The following CDKL1 variants were observed in gnomAD, a reference collection of about 807,000 sequenced individuals.
CDKL1 encodes the protein cyclin-dependent kinase-like 1.
Under a neutral mutation model 42.0 loss-of-function variants are expected in CDKL1, and 41 were observed. That is an observed-to-expected ratio of 0.98 (90% confidence interval 0.76 to 1.27). The LOEUF (loss-of-function observed/expected upper bound fraction) is 1.27. CDKL1 is among the 50% of genes most tolerant of loss of function. The pLI, the probability that CDKL1 is intolerant of heterozygous loss-of-function variation, is 0.00. For synonymous variants in CDKL1, 153 were observed against 158.6 expected (o/e 0.96, Z 0.26); for missense variants, 394 against 428.4 (o/e 0.92, Z 0.71).
chr14:50,381,498 C>T (rs191942929), intron 2 of CDKL1, among the ~76,000 whole-genome samples: 28 of 152,298 alleles, frequency 1.8e-4, no homozygotes, highest in Admixed American at 1.6e-3. Context: ...ACACCTGGCT[C>T]ACGGGTCTCT....
In CDKL1 at chr14:50,335,596, A is replaced by G. The variant is rs1364145205; in HGVS notation, c.739-975T>C. 26 of 1,534,360 alleles carry G rather than the reference A, an allele frequency of 1.7e-5. No individual in the cohort carries two copies. The East Asian group carries it at 6.1e-4, about 36-fold the overall frequency. The stretch of plus-strand genomic sequence containing the variant: ...GAGGAATGCCGAATGTCAGGCAGAC[A>G]AACAGGCCAGTTAAAGAGACATACC... On this transcript the variant is annotated intron_variant, in intron 7 of 9. Transcript: ENST00000395834.
At position 50,342,191 on chromosome 14, in the gene CDKL1, A is replaced by T. The variant is rs1464573026; in HGVS notation, c.395T>A (p.Ile132Asn). Residue 132 changes from isoleucine to asparagine, a missense_variant, in exon 5 of 10, where the codon ATC becomes AAC. By Grantham distance (149) the Ile-to-Asn change is moderately radical. Coordinates refer to ENST00000395834, the MANE Select transcript of CDKL1 (RefSeq NM_004196.7). ...AATCACGGAATGTTTCGTGATGAGG[A>T]TATTTTCTGGCTTCACGTCTCTATG... ...CIHRDVKPEN[I>N]LITKHSVIKL... 4 of 1,614,042 alleles carry T rather than the reference A, an allele frequency of 2.5e-6. No individual in the cohort carries two copies. The African/African-American group carries it at 4.0e-5, about 16-fold the overall frequency.
rs376996845 is a variant in CDKL1 at position 50,377,755 on chromosome 14, G to A, written c.168+17946C>T. ...CTGCAGTGGCACATGAGTGGTATGC[G>A]GCAATGGTCATTATGGGAAGTATTG... On this transcript the variant is annotated intron_variant, in intron 2 of 9. Transcript: ENST00000395834. The A allele has an allele frequency of 3.5e-5, 42 of 1,215,044 alleles. No individual in the cohort carries two copies. In the East Asian group the frequency reaches 3.8e-4, roughly 11 times the overall value. 75.3% of individuals were successfully genotyped at this position (1,215,044 alleles called of 1,614,324 possible).
chr14:50,389,258 C>A (rs1007626524), intron 2 of CDKL1, among the ~76,000 whole-genome samples: 1 of 152,026 alleles, frequency 6.6e-6, no homozygotes, highest in South Asian at 2.1e-4. Context: ...TTACTATTCA[C>A]GATGAATTAA....
intron 2 of CDKL1, chr14:50,377,431 T>G (rs564208321): frequency 2.9e-6 from 1 of 342,662 alleles, no homozygotes; most frequent in Non-Finnish European, 4.5e-6. Flanking sequence ...TTTTCTCCCC[T>G]GTCACCTACT....
chr14:50,394,223 G>T (rs2035337142), intron 2 of CDKL1, among the ~76,000 whole-genome samples: 1 of 152,220 alleles, frequency 6.6e-6, no homozygotes, highest in Non-Finnish European at 1.5e-5. Context: ...AAAGCCTGAG[G>T]AAGTGAAAAT....
At chr14:50,367,626 A>T (rs1041798857) in intron 2 of CDKL1, among the ~76,000 whole-genome samples, 2 of 152,252 alleles carry the variant, frequency 1.3e-5, no homozygotes, top group African/African-American at 2.4e-5. Flanking sequence ...TTCACGGTAC[A>T]TACAAGTAAA....
chr14:50,359,074 A>G lies in CDKL1; in HGVS notation c.244T>C (p.Tyr82His). The stretch of plus-strand genomic sequence containing the variant: ...TCATGGAGAACTGTGTGGTCACAAT[A>G]TTCAAACACCAGGTGAAGCCTCCGT... ...RKRRLHLVFE[Y>H]CDHTVLHELD... is the part of the protein sequence containing the mutation. Residue 82 changes from tyrosine to histidine, a missense_variant, in exon 3 of 10, where the codon TAT becomes CAT. Physicochemically the swap from Tyr to His is moderately conservative, Grantham distance 83. Transcript: ENST00000395834. 3 of 1,613,174 alleles carry G rather than the reference A, an allele frequency of 1.9e-6. No individual in the cohort carries two copies. Among genetic ancestry groups the G allele is most frequent in the Non-Finnish European group, 2.5e-6 (3 of 1,179,168 alleles).
intron 9 of CDKL1, chr14:50,331,851 A>G (rs911611828): frequency 2.1e-5 from 13 of 633,206 alleles, no homozygotes; most frequent in Non-Finnish European, 2.9e-5. Flanking sequence ...AGGATCAGGG[A>G]GGAAAACAGC....
At chr14:50,344,687 G>T (rs2033671265) in intron 4 of CDKL1, among the ~76,000 whole-genome samples, 1 of 151,932 alleles carries the variant, frequency 6.6e-6, no homozygotes, top group African/African-American at 2.4e-5. Flanking sequence ...GTCCAGGCTG[G>T]TCTTGAACTC....
In CDKL1 at chr14:50,395,906, C is replaced by A. The variant is rs370500510; in HGVS notation, c.-38G>T. The A allele has an allele frequency of 1.8e-5, 29 of 1,601,310 alleles. No individual in the cohort carries two copies. Among genetic ancestry groups the A allele is most frequent in the African/African-American group, 2.7e-5 (2 of 74,592 alleles). ...AATCTTCTTAAAATGGATCTTCAGC[C>A]GAGAATGGTGGCTCACGCCTGTAAT... On this transcript the variant is annotated 5_prime_UTR_variant, in exon 2 of 10. Coordinates refer to ENST00000395834, the MANE Select transcript of CDKL1 (RefSeq NM_004196.7).
Position 50,378,692 on chromosome 14 carries a change from G to A in CDKL1, c.168+17009C>T, listed in dbSNP as rs145978931. Among the ~76,000 whole-genome samples the A allele has an allele frequency of 2.1e-3, 318 of 152,044 alleles. 4 individuals are homozygous for A. Among genetic ancestry groups the A allele is most frequent in the African/African-American group, 7.0e-3 (292 of 41,458 alleles). On this transcript the variant is annotated intron_variant, in intron 2 of 9. Transcript: ENST00000395834. ...GGGACCACAGGCACACATGACCATG[G>A]CTGGATAATTAAAAAAATTTTTTTT... is the stretch of plus-strand genomic sequence containing the variant.
At chr14:50,344,706 A>C (rs371314550) in intron 4 of CDKL1, among the ~76,000 whole-genome samples, 2 of 152,146 alleles carry the variant, frequency 1.3e-5, no homozygotes, top group East Asian at 3.9e-4. Context: ...TCCTGGGCTC[A>C]AGTGATCTGC....
At chr14:50,380,860 G>A (rs553358144) in intron 2 of CDKL1, among the ~76,000 whole-genome samples, 1 of 151,182 alleles carries the variant, frequency 6.6e-6, no homozygotes, top group African/African-American at 2.4e-5. Context: ...AGTGGCTAGA[G>A]TGCACTATAT....
intron 1 of CDKL1, 28 bp from the exon 2 acceptor site, chr14:50,396,357 A>G: frequency 3.0e-6 from 3 of 986,716 alleles, no homozygotes; most frequent in South Asian, 4.7e-5. Flanking sequence ...ATGTTAAGGA[A>G]TGAAGAGTGT....
intron 8 of CDKL1, 39 bp from the exon 9 acceptor site, chr14:50,332,471 AATTGT>A: frequency 6.4e-7 from 1 of 1,565,944 alleles, no homozygotes; most frequent in Non-Finnish European, 8.6e-7. Context: ...ACTTCTTCAA[AATTGT>A]ATTAACTTAT....
At chr14:50,339,117 GC>G in intron 6 of CDKL1, 88 bp from the exon 7 acceptor site, 2 of 929,198 alleles carry the variant, frequency 2.2e-6, no homozygotes, top group Non-Finnish European at 3.5e-6. Context: ...GTTTGTCTGT[GC>G]CCATATGCAT....
At chr14:50,376,400 T>C (rs1156544056) in intron 2 of CDKL1, 1 of 470,776 alleles carries the variant, frequency 2.1e-6, no homozygotes, top group South Asian at 1.6e-5. Context: ...AAAATATCCA[T>C]ACCAGGATTC....
At chr14:50,362,891 C>G in intron 2 of CDKL1, 2 of 428,954 alleles carry the variant, frequency 4.7e-6, no homozygotes, top group South Asian at 3.3e-5. Context: ...GCAACCTACC[C>G]TGGGCACCAT....
Sources: allele counts gnomAD v4.1 joint callset (sites outside exome capture counted in the v4.1 genomes callset), GRCh38; gene constraint gnomAD v4.1.1; transcripts MANE v1.5; gene names NCBI Gene and HGNC (gene_info 2026-07-23, HGNC 2026-07-21).